LIPM: variants seen among roughly 807,000 people sequenced by gnomAD.
LIPM encodes lipase family member M.
Under a neutral mutation model 42.4 loss-of-function variants are expected in LIPM, and 42 were observed. The ratio of observed to expected loss-of-function variants is 0.99; its 90% confidence interval spans 0.77 to 1.28. The LOEUF is 1.28. Ranked by LOEUF, LIPM falls within the 50% of genes most tolerant of loss-of-function variation. The probability of loss-of-function intolerance (pLI) is 0.00; values close to 1 mark genes in which losing one functional copy is unlikely to be tolerated. For missense variants in LIPM, 524 were observed against 520.1 expected (o/e 1.01, Z -0.07); for synonymous variants, 177 against 173.3 (o/e 1.02, Z -0.17).
chr10:88,817,035 AT>A, intron 7 of LIPM, 148 bp downstream of exon 7: 1 of 673,560 alleles, frequency 1.5e-6, no homozygotes, highest in Non-Finnish European at 2.6e-6. Context: ...TTGATGGAGA[AT>A]TTGATCTAGA....
At chr10:88,809,675 C>G (rs921808135) in intron 2 of LIPM, among the ~76,000 whole-genome samples, 15 of 152,326 alleles carry the variant, frequency 9.8e-5, no homozygotes, top group African/African-American at 3.6e-4. Context: ...AGCCCGTGTT[C>G]TTAACTAGGA....
rs894618603 is a variant in LIPM at position 88,816,782 on chromosome 10, C to G, written c.859-34C>G. On this transcript the variant is annotated intron_variant, in intron 6 of 8. Coordinates refer to ENST00000404743, the MANE Select transcript of LIPM (RefSeq NM_001128215.1). ...CAGGGTATACATCTTGTGAGTTTTT[C>G]TATGTCCCCCAGAATACTCATGGTT... The G allele has an allele frequency of 2.7e-6, 4 of 1,462,812 alleles. No individual in the cohort carries two copies. In the African/African-American group the frequency reaches 5.6e-5, roughly 21 times the overall value. 90.6% of individuals were successfully genotyped at this position (1,462,812 alleles called of 1,614,324 possible).
chr10:88,805,018 CTG>C (rs1476505188), intron 1 of LIPM, among the ~76,000 whole-genome samples: 2 of 152,168 alleles, frequency 1.3e-5, no homozygotes, highest in East Asian at 1.9e-4. Flanking sequence ...TGATTTGACT[CTG>C]TATATTCATG....
At chr10:88,814,905 C>T (rs1843699336) in intron 4 of LIPM, among the ~76,000 whole-genome samples, 183 bp from the exon 5 acceptor site, 1 of 152,138 alleles carries the variant, frequency 6.6e-6, no homozygotes, top group Non-Finnish European at 1.5e-5. Context: ...ATTTATTTAA[C>T]TCATTGAGCA....
chr10:88,814,680 T>A, intron 4 of LIPM, 41 bp downstream of exon 4: 2 of 1,430,308 alleles, frequency 1.4e-6, no homozygotes, highest in Non-Finnish European at 1.9e-6. Flanking sequence ...TCGGAAGAAA[T>A]GTGAGCATAC....
intron 2 of LIPM, 135 bp downstream of exon 2, chr10:88,808,550 AG>A (rs1700149691): frequency 7.1e-6 from 4 of 560,072 alleles, no homozygotes; most frequent in Non-Finnish European, 3.2e-6. Flanking sequence ...GGATGGTGTC[AG>A]TTCCCCCATA....
At chr10:88,816,764 T>C (rs41284094) in intron 6 of LIPM, 52 bp from the exon 7 acceptor site, 16,012 of 1,218,608 alleles carry the variant, frequency 0.013, 137 homozygotes, top group Middle Eastern at 0.025. Context: ...TGACAGGGTA[T>C]ACATCTTGTG....
chr10:88,808,841 A>G (rs1843619514), intron 2 of LIPM, among the ~76,000 whole-genome samples: 1 of 152,220 alleles, frequency 6.6e-6, no homozygotes, highest in Non-Finnish European at 1.5e-5. Context: ...TCTAAAGAGC[A>G]CTTAAAATAT....
intron 1 of LIPM, chr10:88,805,943 A>T (rs1197298222): frequency 2.2e-6 from 1 of 456,558 alleles, no homozygotes; most frequent in Non-Finnish European, 4.4e-6. Flanking sequence ...TATGGAGCTA[A>T]AACTGCTCTT....
At position 88,815,200 on chromosome 10, in the gene LIPM, G is replaced by C. The variant is rs61740492; in HGVS notation, c.687G>C (p.Leu229Phe). 83,445 of 1,551,754 alleles carry C rather than the reference G, an allele frequency of 0.054. 2,597 individuals are homozygous for C. The highest frequency in any genetic ancestry group is 0.064 in the Non-Finnish European group (73,852 of 1,146,914). The change falls in exon 5 of 9, where the codon TTG becomes TTC. Residue 229 changes from leucine to phenylalanine, a missense_variant. Leu to Phe is a conservative substitution (Grantham distance 22, BLOSUM62 0). Coordinates refer to ENST00000404743, the MANE Select transcript of LIPM (RefSeq NM_001128215.1). ...CAAAAAGCCCCGGGACCAAATTTTT[G>C]TTGCTGCCAGATATGATGATCAAGG... ...KHAKSPGTKF[L>F]LLPDMMIKGL...
intron 2 of LIPM, among the ~76,000 whole-genome samples, chr10:88,810,547 G>A (rs303525): frequency 0.84 from 126,956 of 151,766 alleles, 53,493 homozygotes; most frequent in East Asian, 1. Flanking sequence ...AAGAAAGCCA[G>A]TGAAATTCTT....
intron 2 of LIPM, among the ~76,000 whole-genome samples, chr10:88,812,761 G>A (rs1843669644): frequency 6.6e-6 from 1 of 152,078 alleles, no homozygotes; most frequent in African/African-American, 2.4e-5. Flanking sequence ...ATCTACTGGG[G>A]CACTTTCAAT....
intron 3 of LIPM, 43 bp downstream of exon 3, chr10:88,813,338 TC>T: frequency 1.4e-6 from 2 of 1,418,860 alleles, no homozygotes; most frequent in Non-Finnish European, 1.9e-6. Flanking sequence ...TGTCTGTCTT[TC>T]AAAAAAAATG....
At chr10:88,818,031 C>A (rs1843738903) in intron 8 of LIPM, 135 bp downstream of exon 8, 1 of 711,774 alleles carries the variant, frequency 1.4e-6, no homozygotes, top group Non-Finnish European at 2.3e-6. Context: ...TCATGTTTGA[C>A]TCCATTTGAA....
Position 88,820,255 on chromosome 10 carries a change from C to T in LIPM, c.1026C>T (p.Val342=), listed in dbSNP as rs12255753. The change falls in exon 9 of 9, where the codon GTC becomes GTT. Residue 342 remains valine, a synonymous_variant. Transcript: ENST00000404743. ...CNQPTPVRYR[V]RDMTVPTAMW... is the part of the protein sequence containing the mutation. ...AGCCAACTCCTGTAAGGTACAGAGT[C>T]AGAGATATGACGGTCCCTACAGCAA... 9,227 of 1,551,462 alleles carry T rather than the reference C, an allele frequency of 5.9e-3. 465 individuals are homozygous for T. In the African/African-American group the frequency reaches 0.11, roughly 18 times the overall value.
rs17113311 is a variant in LIPM at position 88,818,681 on chromosome 10, T to A, written c.1002+785T>A. 0.016 allele frequency among the ~76,000 whole-genome samples: 2,436 copies of A among 152,288 alleles called. 108 individuals carry two copies. The East Asian group carries it at 0.17, about 11-fold the overall frequency. On this transcript the variant is annotated intron_variant, in intron 8 of 8. Coordinates refer to ENST00000404743, the MANE Select transcript of LIPM (RefSeq NM_001128215.1). ...GGCAGATTAGACACAGCTTAGTCTTTCTTTGAGACCCTCACATCATAAATT... is the reference window on the plus strand; with the variant it reads ...GGCAGATTAGACACAGCTTAGTCTTACTTTGAGACCCTCACATCATAAATT...
At chr10:88,812,160 A>C (rs1343060931) in intron 2 of LIPM, among the ~76,000 whole-genome samples, 1 of 152,266 alleles carries the variant, frequency 6.6e-6, no homozygotes, top group Non-Finnish European at 1.5e-5. Context: ...TCATGGTGTG[A>C]TTCAAGTTAT....
chr10:88,812,274 A>G (rs956148308), intron 2 of LIPM, among the ~76,000 whole-genome samples: 1 of 152,218 alleles, frequency 6.6e-6, no homozygotes, highest in Non-Finnish European at 1.5e-5. Flanking sequence ...TAATAACTTT[A>G]ATGACTTCAT....
chr10:88,805,647 T>C (rs1281332244), intron 1 of LIPM, among the ~76,000 whole-genome samples: 1 of 152,224 alleles, frequency 6.6e-6, no homozygotes, highest in Non-Finnish European at 1.5e-5. Context: ...CCAACGTTTT[T>C]TCTGCTAAAC....
Sources: gnomAD v4.1 joint callset for allele counts (sites outside exome capture counted in the v4.1 genomes callset) on GRCh38, gnomAD v4.1.1 for gene constraint, MANE v1.5 for transcripts, NCBI Gene and HGNC (gene_info 2026-07-23, HGNC 2026-07-21) for gene names.